CNTN4: variants seen among roughly 807,000 people sequenced by gnomAD.
CNTN4 encodes the protein contactin 4.
Under a neutral mutation model 122.5 loss-of-function variants are expected in CNTN4, and 77 were observed. The ratio of observed to expected loss-of-function variants is 0.63; its 90% CI spans 0.52 to 0.76. CNTN4 has a LOEUF of 0.76. Among genes scored for constraint, CNTN4 ranks in the 30% least tolerant of loss-of-function variants. CNTN4 has a pLI of 0.00. For missense variants in CNTN4, 1,256 were observed against 1,259.1 expected (o/e 1.00, Z 0.04); for synonymous variants, 512 against 447.0 (o/e 1.15, Z -1.83).
chr3:2,571,707 C>T (rs1200683992), intron 4 of CNTN4, 149 bp downstream of exon 4: 3 of 694,636 alleles, frequency 4.3e-6, no homozygotes, highest in East Asian at 2.7e-5. Flanking sequence ...TTGAATATAC[C>T]TTCCTGATGG....
chr3:2,436,871 A>G (rs1341221535), intron 3 of CNTN4, among the ~76,000 whole-genome samples: 1 of 150,614 alleles, frequency 6.6e-6, no homozygotes, highest in Non-Finnish European at 1.5e-5. Flanking sequence ...TTTTATAAAT[A>G]GATATGGAGG....
At chr3:2,302,246 T>C (rs931771696) in intron 2 of CNTN4, among the ~76,000 whole-genome samples, 1 of 152,100 alleles carries the variant, frequency 6.6e-6, no homozygotes, top group Non-Finnish European at 1.5e-5. Context: ...CTGGCCAACA[T>C]GGGGAAACCA....
chr3:2,413,982 C>T (rs903522647), intron 3 of CNTN4, among the ~76,000 whole-genome samples: 1 of 152,078 alleles, frequency 6.6e-6, no homozygotes, highest in African/African-American at 2.4e-5. Context: ...TTTCAGAATC[C>T]AGAGTCTATA....
chr3:2,263,061 T>C (rs2040901921), intron 2 of CNTN4, among the ~76,000 whole-genome samples: 1 of 152,124 alleles, frequency 6.6e-6, no homozygotes, highest in African/African-American at 2.4e-5. Context: ...CAGAGGGCCA[T>C]GTGTGGCTGC....
intron 3 of CNTN4, among the ~76,000 whole-genome samples, chr3:2,479,788 T>C (rs543516039): frequency 6.6e-6 from 1 of 152,306 alleles, no homozygotes; most frequent in African/African-American, 2.4e-5. Flanking sequence ...TTTCTCACAC[T>C]ACCAAAATTA....
intron 3 of CNTN4, among the ~76,000 whole-genome samples, chr3:2,549,346 T>C (rs2078383692): frequency 1.3e-5 from 2 of 152,156 alleles, no homozygotes; most frequent in South Asian, 4.1e-4. Flanking sequence ...TTGTCATAAA[T>C]AGCTCTTATT....
At chr3:2,395,847 A>G (rs1351164290) in intron 3 of CNTN4, among the ~76,000 whole-genome samples, 1 of 152,136 alleles carries the variant, frequency 6.6e-6, no homozygotes, top group Non-Finnish European at 1.5e-5. Flanking sequence ...ACCATATGTG[A>G]AGTATTGTTC....
intron 2 of CNTN4, among the ~76,000 whole-genome samples, chr3:2,239,430 C>T (rs2039839755): frequency 6.6e-6 from 1 of 152,100 alleles, no homozygotes; most frequent in African/African-American, 2.4e-5. Context: ...CCAAAAATGA[C>T]CAAATTACAA....
At chr3:2,397,811 T>C (rs2046695272) in intron 3 of CNTN4, among the ~76,000 whole-genome samples, 1 of 152,190 alleles carries the variant, frequency 6.6e-6, no homozygotes, top group Non-Finnish European at 1.5e-5. Context: ...CTGCAAACTT[T>C]CATATTATTC....
chr3:2,148,818 T>A (rs898936252), intron 2 of CNTN4, among the ~76,000 whole-genome samples: 9 of 140,312 alleles, frequency 6.4e-5, no homozygotes, highest in Admixed American at 6.4e-4. Flanking sequence ...ATAATGTGGA[T>A]CAGAGACAAG....
chr3:2,727,022 C>T (rs2088277878), intron 4 of CNTN4, among the ~76,000 whole-genome samples: 1 of 152,128 alleles, frequency 6.6e-6, no homozygotes, highest in Middle Eastern at 3.2e-3. Flanking sequence ...ATGAAGTTAG[C>T]TATAACTATT....
chr3:2,674,315 G>T lies in CNTN4; in HGVS notation c.56-61900G>T, dbSNP rs995031502. 2.6e-5 allele frequency among the ~76,000 whole-genome samples: 4 copies of T among 151,844 alleles called. No individual in the cohort carries two copies. In the South Asian group the frequency reaches 8.3e-4, roughly 32 times the overall value. The stretch of plus-strand genomic sequence containing the variant: ...GACACATAATTGCATATATTTATGG[G>T]GTTCAGTGTGATATTTCTATTGATA... On this transcript the variant is annotated intron_variant, in intron 4 of 24. Coordinates refer to ENST00000418658, the MANE Select transcript of CNTN4 (RefSeq NM_175607.3).
chr3:2,592,344 G>A (rs994576436), intron 4 of CNTN4, among the ~76,000 whole-genome samples: 2 of 152,130 alleles, frequency 1.3e-5, no homozygotes, highest in Non-Finnish European at 2.9e-5. Flanking sequence ...AGAAAAGTTA[G>A]GAAAAGACAA....
At chr3:2,234,219 A>G (rs1391224438) in intron 2 of CNTN4, among the ~76,000 whole-genome samples, 1 of 151,972 alleles carries the variant, frequency 6.6e-6, no homozygotes, top group African/African-American at 2.4e-5. Flanking sequence ...TCTCTACTAA[A>G]AACACAAAAT....
intron 6 of CNTN4, among the ~76,000 whole-genome samples, chr3:2,767,466 T>C (rs1393815987): frequency 2.0e-5 from 3 of 152,222 alleles, no homozygotes; most frequent in East Asian, 1.9e-4. Context: ...CTAGTTAGTG[T>C]ATCCTGAAAA....
At chr3:2,487,590 C>A (rs918069831) in intron 3 of CNTN4, among the ~76,000 whole-genome samples, 2 of 152,144 alleles carry the variant, frequency 1.3e-5, no homozygotes, top group African/African-American at 4.8e-5. Flanking sequence ...CAGATTATTT[C>A]CTTCAAATTA....
chr3:2,908,977 G>A (rs1436605724), intron 12 of CNTN4, among the ~76,000 whole-genome samples: 10 of 152,154 alleles, frequency 6.6e-5, no homozygotes, highest in Non-Finnish European at 4.4e-5. Context: ...ATTAAAGTGA[G>A]GTGCAACCTT....
intron 4 of CNTN4, among the ~76,000 whole-genome samples, chr3:2,717,400 G>A (rs1473687949): frequency 1.3e-5 from 2 of 152,128 alleles, no homozygotes; most frequent in African/African-American, 2.4e-5. Context: ...TCTTTAATAA[G>A]TGCCCTTGGC....
intron 3 of CNTN4, among the ~76,000 whole-genome samples, chr3:2,569,424 T>G (rs1456181957): frequency 1.3e-5 from 2 of 152,196 alleles, no homozygotes; most frequent in African/African-American, 4.8e-5. Flanking sequence ...TCAGGTTATT[T>G]TCAGCTTAAA....
Sources: gnomAD v4.1 joint callset for allele counts (sites outside exome capture counted in the v4.1 genomes callset) on GRCh38, gnomAD v4.1.1 for gene constraint, MANE v1.5 for transcripts, NCBI Gene and HGNC (gene_info 2026-07-23, HGNC 2026-07-21) for gene names.